Variants in SAMD12 observed in about 807,000 individuals in gnomAD.
SAMD12 encodes the protein sterile alpha motif domain containing 12, also known as sterile alpha motif domain-containing protein 12.
In SAMD12, 9 loss-of-function variants were observed where a neutral mutation model predicts 15.0. That is an observed-to-expected ratio of 0.60 (90% CI 0.36 to 1.05). SAMD12 has a LOEUF of 1.05. Ranked by LOEUF, SAMD12 falls within the 50% of genes least tolerant of loss-of-function variation. The pLI is 0.01. For synonymous variants in SAMD12, 86 were observed against 90.1 expected (o/e 0.96, Z 0.25); for missense variants, 230 against 234.2 (o/e 0.98, Z 0.12).
chr8:118,305,819 CTAGA>C (rs908196944), intron 4 of SAMD12, among the ~76,000 whole-genome samples: 3 of 152,130 alleles, frequency 2.0e-5, no homozygotes, highest in Non-Finnish European at 2.9e-5. Context: ...ATGACATTGC[CTAGA>C]CTCCCTTGCG....
intron 4 of SAMD12, among the ~76,000 whole-genome samples, chr8:118,305,144 CAAAAAAAAAAAA>C (rs56200866): frequency 8.2e-5 from 4 of 48,886 alleles, no homozygotes; most frequent in African/African-American, 1.6e-4. Context: ...GACTCCCTGT[CAAAAAAAAAAAA>C]AAAAAAAAAA....
intron 2 of SAMD12, among the ~76,000 whole-genome samples, chr8:118,491,791 T>C (rs1824448022): frequency 6.6e-6 from 1 of 152,196 alleles, no homozygotes; most frequent in Non-Finnish European, 1.5e-5. Flanking sequence ...CTTTTCTCTT[T>C]AAGCTGTAGA....
intron 4 of SAMD12, among the ~76,000 whole-genome samples, chr8:118,313,645 C>T (rs547573066): frequency 6.6e-6 from 1 of 152,072 alleles, no homozygotes; most frequent in South Asian, 2.1e-4. Flanking sequence ...CAATATGGTT[C>T]CTCCAAGCAG....
At chr8:118,318,329 T>TATATATATATATATATATATAC (rs1816042590) in intron 4 of SAMD12, among the ~76,000 whole-genome samples, 3 of 76,130 alleles carry the variant, frequency 3.9e-5, no homozygotes, top group Non-Finnish European at 8.6e-5. Flanking sequence ...TATATATATA[T>TATATATATATATATATATATAC]ATATATATAT....
intron 1 of SAMD12, among the ~76,000 whole-genome samples, chr8:118,596,348 A>C (rs1312831578): frequency 6.6e-6 from 1 of 152,196 alleles, no homozygotes; most frequent in Non-Finnish European, 1.5e-5. Flanking sequence ...GGCTGAAGTA[A>C]TTTGTCAACT....
chr8:118,401,684 A>T (rs945961437), intron 3 of SAMD12, among the ~76,000 whole-genome samples: 1 of 152,062 alleles, frequency 6.6e-6, no homozygotes, highest in South Asian at 2.1e-4. Flanking sequence ...CAAGGGCTTC[A>T]TGTAAAAGAT....
At chr8:118,519,116 G>T (rs926560896) in intron 2 of SAMD12, among the ~76,000 whole-genome samples, 7 of 152,162 alleles carry the variant, frequency 4.6e-5, no homozygotes, top group African/African-American at 7.2e-5. Flanking sequence ...AGCCTTGTGG[G>T]AATGAGAGAA....
At chr8:118,551,400 A>C (rs1247507833) in intron 2 of SAMD12, among the ~76,000 whole-genome samples, 1 of 152,116 alleles carries the variant, frequency 6.6e-6, no homozygotes, top group African/African-American at 2.4e-5. Context: ...CTACATGGAA[A>C]CTGAACAACC....
intron 2 of SAMD12, among the ~76,000 whole-genome samples, chr8:118,485,187 A>G (rs1824242373): frequency 4.0e-5 from 6 of 150,486 alleles, no homozygotes; most frequent in South Asian, 4.2e-4. Flanking sequence ...AGTAAACCAG[A>G]TGGCCTGGTT....
intron 3 of SAMD12, among the ~76,000 whole-genome samples, chr8:118,393,632 C>T (rs1328976737): frequency 1.3e-5 from 2 of 150,566 alleles, no homozygotes; most frequent in Non-Finnish European, 3.0e-5. Flanking sequence ...GAGTTTTGCT[C>T]TTGTTGCCCA....
At chr8:118,337,161 T>TA (rs1218253115) in intron 4 of SAMD12, among the ~76,000 whole-genome samples, 1 of 144,778 alleles carries the variant, frequency 6.9e-6, no homozygotes, top group Non-Finnish European at 1.5e-5. Context: ...AAAGTATAAT[T>TA]AAAAAAAGAA....
intron 1 of SAMD12, 152 bp from the exon 2 acceptor site, chr8:118,581,045 A>C (rs1827285222): frequency 1.8e-6 from 1 of 568,562 alleles, no homozygotes; most frequent in South Asian, 2.9e-5. Flanking sequence ...TATGGTGAGG[A>C]GGGAGCACGG....
rs1050036791 is a variant in SAMD12, at chr8:118,590,234, A to G, written c.14-9341T>C. On this transcript the variant is annotated intron_variant, in intron 1 of 3. Coordinates refer to ENST00000314727, the MANE Select transcript of SAMD12 (RefSeq NM_207506.3). The stretch of plus-strand genomic sequence containing the variant: ...CTGCTTTACTCAAACATTACAGAAA[A>G]GAAATGTGACCCAACCACCACATCA... Among the ~76,000 whole-genome samples the G allele has an allele frequency of 2.0e-5, 3 of 152,362 alleles. No homozygotes were observed. In the South Asian group the frequency reaches 6.2e-4, roughly 32 times the overall value.
At chr8:118,543,082 G>A (rs918069662) in intron 2 of SAMD12, among the ~76,000 whole-genome samples, 3 of 152,142 alleles carry the variant, frequency 2.0e-5, no homozygotes, top group African/African-American at 7.2e-5. Context: ...TAAAAATGAA[G>A]GAAAAGGGGG....
chr8:118,606,707 A>G (rs1237609746), intron 1 of SAMD12, among the ~76,000 whole-genome samples: 1 of 152,182 alleles, frequency 6.6e-6, no homozygotes, highest in Non-Finnish European at 1.5e-5. Flanking sequence ...GCCAAGGAGA[A>G]TCACTCTCCC....
chr8:118,341,876 T>C (rs753649548), intron 4 of SAMD12, among the ~76,000 whole-genome samples: 9 of 152,288 alleles, frequency 5.9e-5, no homozygotes, highest in Non-Finnish European at 7.3e-5. Context: ...GTTTTAAATA[T>C]TGGCAACTAA....
intron 2 of SAMD12, among the ~76,000 whole-genome samples, chr8:118,447,129 G>C (rs1410425601): frequency 2.6e-5 from 4 of 151,794 alleles, no homozygotes; most frequent in African/African-American, 7.3e-5. Context: ...AATCTATTAG[G>C]GAAACCTGAT....
chr8:118,138,680 T>C, the SAMD12 span, among the ~76,000 whole-genome samples: 7 of 152,194 alleles, frequency 4.6e-5, no homozygotes, highest in African/African-American at 1.7e-4. Flanking sequence ...TCAATCAGAA[T>C]AGGGTTTAAA....
intron 3 of SAMD12, among the ~76,000 whole-genome samples, chr8:118,421,477 T>A (rs777952323): frequency 1.3e-5 from 2 of 152,228 alleles, no homozygotes; most frequent in Non-Finnish European, 2.9e-5. Context: ...CCAAGGTAGT[T>A]TTAGGGTTAG....
Sources: gnomAD v4.1 joint callset for allele counts (sites outside exome capture counted in the v4.1 genomes callset) on GRCh38, gnomAD v4.1.1 for gene constraint, MANE v1.5 for transcripts, NCBI Gene and HGNC (gene_info 2026-07-23, HGNC 2026-07-21) for gene names.